GARRE1: variants seen among roughly 807,000 people sequenced by gnomAD.
GARRE1 encodes granule associated Rac and RHOG effector protein 1.
In GARRE1, 49 loss-of-function variants were observed where a neutral mutation model predicts 103.2. That is an observed-to-expected ratio of 0.47 (90% CI 0.38 to 0.60). GARRE1 has a LOEUF of 0.60. Among genes scored for constraint, GARRE1 ranks in the 20% least tolerant of loss-of-function variants. GARRE1 has a pLI of 0.00. For missense variants in GARRE1, 1,199 were observed against 1,370.5 expected (o/e 0.87, Z 1.98); for synonymous variants, 505 against 532.8 (o/e 0.95, Z 0.72).
intron 3 of GARRE1, among the ~76,000 whole-genome samples, chr19:34,324,754 G>C (rs2074104361): frequency 6.6e-6 from 1 of 152,252 alleles, no homozygotes; most frequent in South Asian, 2.1e-4. Context: ...CACCCGGTCT[G>C]TAAATGCACT....
intron 3 of GARRE1, among the ~76,000 whole-genome samples, chr19:34,325,598 C>A (rs2074107824): frequency 6.6e-6 from 1 of 152,244 alleles, no homozygotes; most frequent in Admixed American, 6.5e-5. Flanking sequence ...TCCTTCATCG[C>A]TACCCTTGTT....
chr19:34,298,736 T>C (rs1285985481), intron 1 of GARRE1, among the ~76,000 whole-genome samples: 14 of 152,106 alleles, frequency 9.2e-5, no homozygotes, highest in Admixed American at 9.2e-4. Flanking sequence ...AAGTTAAATA[T>C]GTGGTAAATG....
chr19:34,340,543 T>G (rs576020640), intron 9 of GARRE1, among the ~76,000 whole-genome samples: 82 of 152,152 alleles, frequency 5.4e-4, no homozygotes, highest in African/African-American at 1.9e-3. Context: ...CCAGCCAGGC[T>G]GGAGTGTAGT....
At chr19:34,306,138 AT>A (rs1389973709) in intron 2 of GARRE1, among the ~76,000 whole-genome samples, 1 of 151,944 alleles carries the variant, frequency 6.6e-6, no homozygotes, top group Non-Finnish European at 1.5e-5. Context: ...AGGCATTTGG[AT>A]TTTTTCCTTT....
intron 10 of GARRE1, among the ~76,000 whole-genome samples, chr19:34,346,646 T>C (rs1302120929): frequency 1.3e-5 from 2 of 152,206 alleles, no homozygotes; most frequent in African/African-American, 4.8e-5. Flanking sequence ...GTTGGAGTTT[T>C]GCTCTTGTCA....
intron 2 of GARRE1, among the ~76,000 whole-genome samples, chr19:34,313,713 G>C (rs983070904): frequency 6.6e-6 from 1 of 152,116 alleles, no homozygotes; most frequent in Non-Finnish European, 1.5e-5. Context: ...ACCTCTGATG[G>C]GCTCTTGAGG....
intron 10 of GARRE1, among the ~76,000 whole-genome samples, chr19:34,342,818 A>G (rs533138689): frequency 6.6e-5 from 10 of 151,594 alleles, no homozygotes; most frequent in Admixed American, 2.6e-4. Context: ...TCCTGATTAT[A>G]TAACCTGTTC....
At chr19:34,303,974 G>A (rs1460805250) in intron 2 of GARRE1, among the ~76,000 whole-genome samples, 1 of 152,034 alleles carries the variant, frequency 6.6e-6, no homozygotes, top group Non-Finnish European at 1.5e-5. Context: ...GCTTTACTTT[G>A]TGGGCCCATC....
intron 1 of GARRE1, chr19:34,296,492 C>A: frequency 6.3e-7 from 1 of 1,595,082 alleles, no homozygotes; most frequent in Non-Finnish European, 8.5e-7. Flanking sequence ...CCTTTGGGAT[C>A]TTGGGCTTAA....
intron 7 of GARRE1, 55 bp downstream of exon 7, chr19:34,330,402 G>A: frequency 7.7e-6 from 12 of 1,564,638 alleles, no homozygotes; most frequent in Non-Finnish European, 1.1e-5. Flanking sequence ...TTTCAAGCAT[G>A]TGAGGATGTG....
chr19:34,327,079 C>T (rs988250685), intron 3 of GARRE1, among the ~76,000 whole-genome samples: 5 of 151,766 alleles, frequency 3.3e-5, no homozygotes, highest in Non-Finnish European at 7.4e-5. Context: ...CGCTTGAACT[C>T]GGGAGGCGGA....
intron 1 of GARRE1, among the ~76,000 whole-genome samples, chr19:34,271,564 A>T (rs543025782): frequency 5.9e-5 from 9 of 152,086 alleles, no homozygotes; most frequent in African/African-American, 1.9e-4. Context: ...GTGCACTTTC[A>T]TTGAAAGAAC....
In GARRE1 at chr19:34,348,002, G is replaced by A. The variant is rs981444195; in HGVS notation, c.2647G>A (p.Ala883Thr). Reference sequence around the variant, plus strand: ...GGGCAACTGGCCGCCTATGGATGACGCGCATCGGACCTGGCCCTTCCCCGA... The same window carrying A: ...GGGCAACTGGCCGCCTATGGATGACACGCATCGGACCTGGCCCTTCCCCGA... ...PRGNWPPMDD[A>T]HRTWPFPEFF... The change falls in exon 11 of 14, where the codon GCG (alanine) becomes ACG (threonine). Residue 883 changes from alanine to threonine, a missense_variant. Transcript: ENST00000299505. 8 of 1,561,644 alleles carry A rather than the reference G, an allele frequency of 5.1e-6. No homozygotes were observed. The highest frequency in any genetic ancestry group is 1.4e-5 in the African/African-American group (1 of 72,990).
chr19:34,290,379 T>C (rs1467266218), intron 1 of GARRE1, among the ~76,000 whole-genome samples: 1 of 151,682 alleles, frequency 6.6e-6, no homozygotes, highest in African/African-American at 2.4e-5. Flanking sequence ...GAAAAGAAAA[T>C]GCATTTAATA....
At chr19:34,257,878 CTTTTTCTTT>C (rs376143050) in intron 1 of GARRE1, among the ~76,000 whole-genome samples, 13,479 of 148,304 alleles carry the variant, frequency 0.091, 909 homozygotes, top group African/African-American at 0.19. Context: ...CTTCTTTTTT[CTTTTTCTTT>C]TTTTTCTTTT....
chr19:34,268,641 T>C (rs559165508), intron 1 of GARRE1, among the ~76,000 whole-genome samples: 4 of 152,158 alleles, frequency 2.6e-5, no homozygotes, highest in African/African-American at 9.6e-5. Flanking sequence ...TTTTTTTTTT[T>C]CATTAAATGT....
intron 8 of GARRE1, among the ~76,000 whole-genome samples, chr19:34,336,472 T>G (rs1031943963): frequency 1.3e-5 from 2 of 148,504 alleles, no homozygotes; most frequent in Non-Finnish European, 3.0e-5. Flanking sequence ...TTCCTGAATT[T>G]TTTTTTTTTT....
intron 1 of GARRE1, among the ~76,000 whole-genome samples, chr19:34,293,367 C>T (rs1038130203): frequency 6.6e-6 from 1 of 150,554 alleles, no homozygotes; most frequent in Non-Finnish European, 1.5e-5. Context: ...GATCCTCTCT[C>T]TCTTGATTCA....
At chr19:34,294,962 C>T (rs2050709078) in intron 1 of GARRE1, among the ~76,000 whole-genome samples, 1 of 152,196 alleles carries the variant, frequency 6.6e-6, no homozygotes, top group Non-Finnish European at 1.5e-5. Flanking sequence ...CAGGCTTGAG[C>T]CACTGTGGCC....
Sources: gnomAD v4.1 joint callset for allele counts (sites outside exome capture counted in the v4.1 genomes callset) on GRCh38, gnomAD v4.1.1 for gene constraint, MANE v1.5 for transcripts, NCBI Gene and HGNC (gene_info 2026-07-23, HGNC 2026-07-21) for gene names.